Variants in REEP1 observed in about 807,000 individuals in gnomAD.
The protein encoded by REEP1 is receptor expression-enhancing protein 1.
REEP1 carries 22 observed loss-of-function variants against 40.3 expected under a neutral mutation model. That is an observed-to-expected ratio of 0.55 (90% CI 0.39 to 0.78). The LOEUF (loss-of-function observed/expected upper bound fraction) is 0.78. Ranked by LOEUF, REEP1 falls within the 30% of genes least tolerant of loss-of-function variation. REEP1 has a pLI of 0.00. For missense variants in REEP1, 280 were observed against 361.1 expected (o/e 0.78, Z 1.82); for synonymous variants, 116 against 139.2 (o/e 0.83, Z 1.17).
At position 86,254,988 on chromosome 2, in the gene REEP1, C is replaced by T. The variant is rs1025317318; in HGVS notation, c.183-174G>A. 6.4e-6 allele frequency: 4 copies of T among 628,124 alleles called. No homozygotes were observed. In the African/African-American group the frequency reaches 7.3e-5, roughly 12 times the overall value. 38.9% of individuals were successfully genotyped at this position (628,124 alleles called of 1,614,324 possible). On this transcript the variant is annotated intron_variant, in intron 3 of 8. Transcript: ENST00000538924. ...GTGAGGGCACACACTTGCACACACA[C>T]AGTACAACCCCAACGCCTCTCTTTG...
chr2:86,329,889 C>T (rs1680685477), intron 1 of REEP1, among the ~76,000 whole-genome samples: 1 of 152,102 alleles, frequency 6.6e-6, no homozygotes, highest in South Asian at 2.1e-4. Flanking sequence ...CACTATAGCA[C>T]CAGGAACAAA....
At chr2:86,237,055 G>A (rs1449798850) in intron 5 of REEP1, among the ~76,000 whole-genome samples, 2 of 152,148 alleles carry the variant, frequency 1.3e-5, no homozygotes, top group Non-Finnish European at 2.9e-5. Context: ...ATTTTAAGAC[G>A]TATTTTTCAT....
chr2:86,227,790 G>A lies in REEP1; in HGVS notation c.596-392C>T, dbSNP rs190557110. On this transcript the variant is annotated intron_variant, in intron 6 of 8. Transcript: ENST00000538924. ...TTACCTCTGAACCCCAAAGTGCTTC[G>A]CATCTGGGCATTTGCAAAGGCCTAA... 2.2e-3 allele frequency among the ~76,000 whole-genome samples: 340 copies of A among 152,250 alleles called. 3 individuals carry two copies. Among genetic ancestry groups the A allele is most frequent in the African/African-American group, 7.7e-3 (319 of 41,542 alleles).
chr2:86,216,868 A>AG lies in REEP1; in HGVS notation c.*170dup, dbSNP rs530308692. The AG allele has an allele frequency of 1.3e-4, 77 of 612,928 alleles. No individual in the cohort carries two copies. In the East Asian group the frequency reaches 1.6e-3, roughly 13 times the overall value. The allele number at this position is 612,928 out of a possible 1,614,324, so 38.0% of individuals were successfully genotyped here. A position where few individuals can be genotyped will look rare whatever the true frequency, so the allele number is the denominator to read the frequency against. On this transcript the variant is annotated 3_prime_UTR_variant, in exon 9 of 9. Coordinates refer to ENST00000538924, the MANE Select transcript of REEP1 (RefSeq NM_001371279.1). Reference sequence around the variant, plus strand: ...GCCTCTCCCCAGCAAAATAAAGAAAAGGGGGAAAAAAATAAATCCTTAAAA... The same window carrying AG: ...GCCTCTCCCCAGCAAAATAAAGAAAAGGGGGGAAAAAAATAAATCCTTAAAA...
intron 1 of REEP1, among the ~76,000 whole-genome samples, chr2:86,303,212 G>GTTTT (rs35002382): frequency 7.2e-5 from 5 of 69,006 alleles, no homozygotes; most frequent in Non-Finnish European, 1.1e-4. Context: ...CCGGCTAATT[G>GTTTT]TTTTTTTTTT....
At chr2:86,322,702 C>T (rs1303308829) in intron 1 of REEP1, among the ~76,000 whole-genome samples, 1 of 152,170 alleles carries the variant, frequency 6.6e-6, no homozygotes, top group Non-Finnish European at 1.5e-5. Context: ...AATCCACCTG[C>T]CTCAGCCTCC....
chr2:86,337,402 C>T lies in REEP1; in HGVS notation c.32+77G>A. The T allele has an allele frequency of 9.7e-7, 1 of 1,033,256 alleles. No homozygotes were observed. The highest frequency in any genetic ancestry group is 1.2e-6 in the Non-Finnish European group (1 of 815,384). 64.0% of individuals were successfully genotyped at this position (1,033,256 alleles called of 1,614,324 possible). On this transcript the variant is annotated intron_variant, in intron 1 of 8. Transcript: ENST00000538924. This position sits in a 1 kb window ranked among gnomAD's most constrained non-coding sequence, Gnocchi z 5.8. ...TAGCCCGAGCCACTGGGACCGGGCGCTGTAGGGGCGCGCGCAGCCCGGGGC... is the reference window on the plus strand; with the variant it reads ...TAGCCCGAGCCACTGGGACCGGGCGTTGTAGGGGCGCGCGCAGCCCGGGGC...
chr2:86,292,370 T>C (rs987013125), intron 1 of REEP1, among the ~76,000 whole-genome samples: 1 of 152,212 alleles, frequency 6.6e-6, no homozygotes, highest in African/African-American at 2.4e-5. Flanking sequence ...CATTCAATCA[T>C]TAAATATGTG....
intron 5 of REEP1, among the ~76,000 whole-genome samples, chr2:86,237,835 T>A (rs906852762): frequency 2.6e-5 from 4 of 152,152 alleles, no homozygotes; most frequent in African/African-American, 9.7e-5. Flanking sequence ...CCTTTTAATG[T>A]ATTTATAAAA....
intron 5 of REEP1, among the ~76,000 whole-genome samples, chr2:86,246,145 G>A (rs1229563965): frequency 6.6e-6 from 1 of 152,108 alleles, no homozygotes; most frequent in Non-Finnish European, 1.5e-5. Flanking sequence ...CAGGGTTAGA[G>A]GAATCAAAAA....
chr2:86,217,236 G>C (rs1674162292), intron 8 of REEP1, 126 bp from the exon 9 acceptor site: 1 of 781,690 alleles, frequency 1.3e-6, no homozygotes, highest in Non-Finnish European at 2.3e-6. Flanking sequence ...GGCTAGGGCT[G>C]GGGTCTCCCT....
chr2:86,310,459 C>A (rs1157173153), intron 1 of REEP1, among the ~76,000 whole-genome samples: 1 of 152,116 alleles, frequency 6.6e-6, no homozygotes. Flanking sequence ...GCGGTACCAC[C>A]TAGGTTTGTG....
chr2:86,294,683 TAAG>T (rs1157183303), intron 1 of REEP1, among the ~76,000 whole-genome samples: 1 of 152,116 alleles, frequency 6.6e-6, no homozygotes, highest in Non-Finnish European at 1.5e-5. Context: ...TATGTTCTAT[TAAG>T]AAGTTACACT....
chr2:86,229,598 C>CTTTTTT (rs70956106), intron 6 of REEP1, among the ~76,000 whole-genome samples: 1 of 114,444 alleles, frequency 8.7e-6, no homozygotes, highest in African/African-American at 3.1e-5. Flanking sequence ...ACCTGTCTTC[C>CTTTTTT]TTTTTTTTTT....
chr2:86,217,051 G>A lies in REEP1; in HGVS notation c.843C>T (p.Thr281=), dbSNP rs201177149. The A allele has an allele frequency of 1.5e-4, 238 of 1,613,792 alleles. No individual in the cohort carries two copies. The highest frequency in any genetic ancestry group is 1.9e-4 in the Non-Finnish European group (226 of 1,179,844). The change falls in exon 9 of 9, where the codon ACC becomes ACT. Residue 281 remains threonine (T), a synonymous_variant. Coordinates refer to ENST00000538924, the MANE Select transcript of REEP1 (RefSeq NM_001371279.1). Reference sequence around the variant, plus strand: ...TGGCTCATCTCACTCACGTGGTTTCGGTGGCCGAGGATGAGGTACTTTTCT... The same window carrying A: ...TGGCTCATCTCACTCACGTGGTTTCAGTGGCCGAGGATGAGGTACTTTTCT... The part of the protein sequence containing the change: ...FRKKSTSSSA[T]ETT
chr2:86,283,300 G>A (rs1048225114), intron 1 of REEP1, among the ~76,000 whole-genome samples: 3 of 152,094 alleles, frequency 2.0e-5, no homozygotes, highest in South Asian at 2.1e-4. Flanking sequence ...TAAATGAATC[G>A]AGCTGGAGGT....
intron 2 of REEP1, among the ~76,000 whole-genome samples, chr2:86,268,203 C>A (rs998864030): frequency 1.1e-4 from 16 of 151,946 alleles, no homozygotes; most frequent in African/African-American, 3.9e-4. Flanking sequence ...GAGATAAAAC[C>A]ATTTTTCCTC....
chr2:86,327,526 T>C (rs569985536), intron 1 of REEP1, among the ~76,000 whole-genome samples: 1 of 150,514 alleles, frequency 6.6e-6, no homozygotes, highest in East Asian at 2.0e-4. Flanking sequence ...CTTAGTGAGA[T>C]GGAGCAGTTT....
intron 7 of REEP1, 148 bp downstream of exon 7, chr2:86,227,215 G>T: frequency 1.9e-6 from 1 of 527,924 alleles, no homozygotes; most frequent in Non-Finnish European, 2.9e-6. Context: ...AAGCTACTGT[G>T]TTTGCTGTTA....
Sources: gnomAD v4.1 joint callset for allele counts (sites outside exome capture counted in the v4.1 genomes callset) on GRCh38, gnomAD v4.1.1 for gene constraint, Gnocchi (gnomAD v3.1) non-coding constraint, MANE v1.5 for transcripts, NCBI Gene and HGNC (gene_info 2026-07-23, HGNC 2026-07-21) for gene names.